Variants in CGNL1 observed in about 807,000 individuals in gnomAD.
CGNL1 encodes cingulin-like protein 1.
Under a neutral mutation model 141.2 loss-of-function variants are expected in CGNL1, and 132 were observed. The observed-to-expected ratio is 0.93, with a 90% confidence interval of 0.81 to 1.08. CGNL1 has a LOEUF of 1.08. Among genes scored for constraint, CGNL1 ranks in the 50% least tolerant of loss-of-function variants. CGNL1 has a pLI of 0.00. For missense variants in CGNL1, 1,870 were observed against 1,588.6 expected (o/e 1.18, Z -3.01); for synonymous variants, 690 against 622.1 (o/e 1.11, Z -1.63).
intron 8 of CGNL1, among the ~76,000 whole-genome samples, chr15:57,483,359 G>A (rs1349287393): frequency 6.6e-6 from 1 of 151,608 alleles, no homozygotes; most frequent in Non-Finnish European, 1.5e-5. Flanking sequence ...GTATCCTTCT[G>A]TTCATTGCTA....
At chr15:57,517,096 G>A (rs894197754) in intron 9 of CGNL1, 110 bp downstream of exon 9, 2 of 1,067,968 alleles carry the variant, frequency 1.9e-6, no homozygotes, top group Non-Finnish European at 2.7e-6. Context: ...TAGTAGGAAA[G>A]GTCAAGGCAA....
intron 8 of CGNL1, among the ~76,000 whole-genome samples, chr15:57,469,298 T>C (rs1046736522): frequency 4.0e-5 from 6 of 151,388 alleles, no homozygotes; most frequent in African/African-American, 1.5e-4. Flanking sequence ...GAAAGGCTAA[T>C]GAGTTCATCT....
chr15:57,516,985 A>T lies in CGNL1; in HGVS notation c.2609A>T (p.Glu870Val). The change falls in exon 9 of 19, where the codon GAG becomes GTG. Residue 870 changes from glutamate to valine, a missense_variant and splice_region_variant. Coordinates refer to ENST00000281282, the MANE Select transcript of CGNL1 (RefSeq NM_032866.5). ...AKAKETLKKY[E>V]GEIRQLEEAL... ...GCGAAGGAAACGCTGAAGAAGTACG[A>T]GGTGAGGCTCGCTGGGCCCAGGCCC... 6.2e-7 allele frequency: 1 copy of T among 1,612,360 alleles called. No homozygotes were observed. The highest frequency in any genetic ancestry group is 8.5e-7 in the Non-Finnish European group (1 of 1,179,652).
intron 8 of CGNL1, among the ~76,000 whole-genome samples, chr15:57,484,473 T>A (rs117435437): frequency 0.026 from 3,951 of 152,318 alleles, 55 homozygotes; most frequent in Non-Finnish European, 0.03. Flanking sequence ...TATCCTTTTT[T>A]TCTTTGTCAG....
At chr15:57,483,040 G>C (rs977325965) in intron 8 of CGNL1, among the ~76,000 whole-genome samples, 3 of 152,136 alleles carry the variant, frequency 2.0e-5, no homozygotes, top group Admixed American at 6.6e-5. Context: ...GCCCACCGCG[G>C]CCTCCTAAAG....
At chr15:57,412,865 T>C in intron 1 of CGNL1, among the ~76,000 whole-genome samples, 1 of 151,672 alleles carries the variant, frequency 6.6e-6, no homozygotes, top group East Asian at 1.9e-4. Flanking sequence ...TCTCAGTTTC[T>C]TTTTTTTTCT....
intron 1 of CGNL1, among the ~76,000 whole-genome samples, chr15:57,378,993 A>G (rs1188407797): frequency 2.6e-5 from 4 of 151,840 alleles, no homozygotes; most frequent in Non-Finnish European, 5.9e-5. Flanking sequence ...CCTGACCCGA[A>G]TCATCACCCT....
chr15:57,487,850 A>G (rs1269134905), intron 8 of CGNL1, among the ~76,000 whole-genome samples: 1 of 152,238 alleles, frequency 6.6e-6, no homozygotes. Flanking sequence ...AATATTCTAC[A>G]GTCTCTGGAT....
At chr15:57,523,683 C>G (rs1352452894) in intron 11 of CGNL1, 42 bp downstream of exon 11, 3 of 1,606,026 alleles carry the variant, frequency 1.9e-6, no homozygotes, top group Admixed American at 1.7e-5. Flanking sequence ...GGCCAGATGT[C>G]TTTGTTGGAC....
At chr15:57,475,162 T>C (rs965478362) in intron 8 of CGNL1, among the ~76,000 whole-genome samples, 3 of 152,192 alleles carry the variant, frequency 2.0e-5, no homozygotes, top group African/African-American at 7.2e-5. Flanking sequence ...TGCCGCAGGT[T>C]GGCCACCCTC....
intron 8 of CGNL1, among the ~76,000 whole-genome samples, chr15:57,506,179 C>T (rs1246761234): frequency 6.6e-6 from 1 of 152,224 alleles, no homozygotes; most frequent in African/African-American, 2.4e-5. Context: ...CTAACGCTTG[C>T]ATTTACCCGG....
intron 4 of CGNL1, among the ~76,000 whole-genome samples, chr15:57,449,804 G>GA (rs2063300071): frequency 6.6e-6 from 1 of 152,048 alleles, no homozygotes; most frequent in Non-Finnish European, 1.5e-5. Context: ...TCTGTAGTTG[G>GA]AATCACACAG....
At chr15:57,537,082 G>A (rs544276780) in intron 14 of CGNL1, among the ~76,000 whole-genome samples, 6 of 152,144 alleles carry the variant, frequency 3.9e-5, no homozygotes, top group South Asian at 2.1e-4. Flanking sequence ...GTGCTGGCTC[G>A]ATAAGCACTG....
chr15:57,524,184 A>T (rs765843710), intron 11 of CGNL1, among the ~76,000 whole-genome samples: 5 of 152,212 alleles, frequency 3.3e-5, no homozygotes, highest in Non-Finnish European at 5.9e-5. Flanking sequence ...CTAGAATTTT[A>T]TCTGTATCTG....
At chr15:57,408,221 G>A (rs2062745062) in intron 1 of CGNL1, among the ~76,000 whole-genome samples, 1 of 152,108 alleles carries the variant, frequency 6.6e-6, no homozygotes, top group South Asian at 2.1e-4. Context: ...ACAAGCAGCT[G>A]AAGGCAGGGC....
chr15:57,430,773 G>A (rs2063035500), intron 1 of CGNL1, among the ~76,000 whole-genome samples: 1 of 152,170 alleles, frequency 6.6e-6, no homozygotes, highest in African/African-American at 2.4e-5. Flanking sequence ...AGGCTGGAGT[G>A]CAGTGGTGCA....
At chr15:57,463,383 C>T (rs1195018653) in intron 8 of CGNL1, among the ~76,000 whole-genome samples, 1 of 152,212 alleles carries the variant, frequency 6.6e-6, no homozygotes, top group Non-Finnish European at 1.5e-5. Context: ...GTTCAAATGT[C>T]TGCATTATAT....
chr15:57,438,578 C>A lies in CGNL1; in HGVS notation c.579C>A (p.Pro193=), dbSNP rs1236562443. 1.2e-6 allele frequency: 2 copies of A among 1,613,522 alleles called. No homozygotes were observed. The highest frequency in any genetic ancestry group is 1.3e-5 in the African/African-American group (1 of 74,936). Residue 193 remains proline, a synonymous_variant, in exon 2 of 19, where the codon CCC becomes CCA. Transcript: ENST00000281282. ...INNKKPWTCF[P]KPSNSQPTSP... ...ATAAGAAGCCTTGGACTTGCTTTCC[C>A]AAACCTAGCAATTCCCAGCCTACCA...
At chr15:57,415,776 C>G (rs2062841897) in intron 1 of CGNL1, among the ~76,000 whole-genome samples, 1 of 152,198 alleles carries the variant, frequency 6.6e-6, no homozygotes, top group Non-Finnish European at 1.5e-5. Flanking sequence ...GAACCAAAGC[C>G]CCCAAGGGAA....
Sources: gnomAD v4.1 joint callset for allele counts (sites outside exome capture counted in the v4.1 genomes callset) on GRCh38, gnomAD v4.1.1 for gene constraint, MANE v1.5 for transcripts, NCBI Gene and HGNC (gene_info 2026-07-23, HGNC 2026-07-21) for gene names.